The following TMEM232 variants were observed in gnomAD, a reference collection of about 807,000 sequenced individuals.
The protein encoded by TMEM232 is transmembrane protein 232.
In TMEM232, 80 loss-of-function variants were observed where a neutral mutation model predicts 78.8. The ratio of observed to expected loss-of-function variants is 1.01; its 90% CI spans 0.85 to 1.22. The LOEUF is 1.22. Among genes scored for constraint, TMEM232 ranks in the 50% most tolerant of loss-of-function variants. TMEM232 has a pLI of 0.00. For synonymous variants in TMEM232, 297 were observed against 254.3 expected, an observed-to-expected ratio of 1.17 and a Z score of -1.60; for missense variants, 881 against 742.2, an observed-to-expected ratio of 1.19 and a Z score of -2.17.
chr5:110,458,025 T>C (rs1221571396), intron 12 of TMEM232, among the ~76,000 whole-genome samples: 1 of 152,180 alleles, frequency 6.6e-6, no homozygotes. Context: ...TAAGATCCTA[T>C]GCACATTTAA....
rs536360607 is a variant in TMEM232, at chr5:110,497,795, G to T, written c.1703+30793C>A. 3.1e-3 allele frequency among the ~76,000 whole-genome samples: 465 copies of T among 152,100 alleles called. 3 individuals carry two copies. Among genetic ancestry groups the T allele is most frequent in the African/African-American group, 0.011 (444 of 41,508 alleles). On this transcript the variant is annotated intron_variant, in intron 12 of 13. Coordinates refer to ENST00000455884, the MANE Select transcript of TMEM232 (RefSeq NM_001039763.4). The stretch of plus-strand genomic sequence containing the variant: ...TTTGAATATGTAACCCTTGGATATG[G>T]GTCATATAAGATAAAGTGAAGGGAA...
intron 1 of TMEM232, among the ~76,000 whole-genome samples, chr5:110,735,838 T>C (rs1799105582): frequency 6.6e-6 from 1 of 152,200 alleles, no homozygotes; most frequent in South Asian, 2.1e-4. Flanking sequence ...AAGACATTCT[T>C]TCTATAGCTG....
Position 110,455,523 on chromosome 5 carries a change from G to A in TMEM232, c.1704-30607C>T, listed in dbSNP as rs571311740. 3.1e-3 allele frequency among the ~76,000 whole-genome samples: 475 copies of A among 151,572 alleles called. 9 individuals are homozygous for A. The highest frequency in any genetic ancestry group is 1.9e-3 in the Non-Finnish European group (132 of 67,860). ...CTCCCGAGTAGCTGGGACTACAGGC[G>A]CCCGCCACCACGCCCGGCTAATTTT... is the stretch of plus-strand genomic sequence containing the variant. On this transcript the variant is annotated intron_variant, in intron 12 of 13. Coordinates refer to ENST00000455884, the MANE Select transcript of TMEM232 (RefSeq NM_001039763.4).
intron 7 of TMEM232, among the ~76,000 whole-genome samples, chr5:110,620,636 TCTC>T (rs2149905539): frequency 1.8e-5 from 2 of 113,068 alleles, no homozygotes; most frequent in African/African-American, 3.8e-5. Flanking sequence ...TCTCTCTCTC[TCTC>T]CTCTCTCCTC....
At chr5:110,696,166 C>A (rs372009058) in intron 1 of TMEM232, among the ~76,000 whole-genome samples, 2 of 152,178 alleles carry the variant, frequency 1.3e-5, no homozygotes, top group East Asian at 1.9e-4. Context: ...AATCAATAAA[C>A]GTAATCCAGC....
rs566293206 is a variant in TMEM232 at position 110,428,520 on chromosome 5, G to A, written c.1704-3604C>T. Among the ~76,000 whole-genome samples, 9 of 151,824 alleles carry A rather than the reference G, an allele frequency of 5.9e-5. No individual in the cohort carries two copies. In the South Asian group the frequency reaches 1.9e-3, roughly 32 times the overall value. On this transcript the variant is annotated intron_variant, in intron 12 of 13. Transcript: ENST00000455884. ...CCCAGTCTCTGTGGGAGGTCTAGGA[G>A]CCTAACTTAGGTAAGTGACAACAGC...
chr5:110,556,649 A>T (rs1214684510), intron 11 of TMEM232, among the ~76,000 whole-genome samples: 4 of 152,094 alleles, frequency 2.6e-5, no homozygotes, highest in African/African-American at 9.7e-5. Context: ...AGCCTCCCAC[A>T]GTGCTGGGAT....
At chr5:110,597,440 A>C (rs1780308882) in intron 10 of TMEM232, among the ~76,000 whole-genome samples, 2 of 152,334 alleles carry the variant, frequency 1.3e-5, no homozygotes, top group East Asian at 3.9e-4. Flanking sequence ...CATACTGCCC[A>C]AGGTAATTTA....
intron 11 of TMEM232, among the ~76,000 whole-genome samples, chr5:110,538,693 T>C (rs1185127526): frequency 6.6e-6 from 1 of 152,158 alleles, no homozygotes; most frequent in Admixed American, 6.5e-5. Context: ...AAGCAGGAAT[T>C]AGATGAAGAC....
At chr5:110,558,214 T>C (rs1309350222) in intron 11 of TMEM232, among the ~76,000 whole-genome samples, 3 of 152,038 alleles carry the variant, frequency 2.0e-5, no homozygotes, top group African/African-American at 4.8e-5. Flanking sequence ...ATCATTCTGA[T>C]GGGGTATGCC....
chr5:110,484,975 T>C (rs1376331109), intron 12 of TMEM232, among the ~76,000 whole-genome samples: 2 of 151,862 alleles, frequency 1.3e-5, no homozygotes, highest in Non-Finnish European at 2.9e-5. Flanking sequence ...AAAAAAAAAT[T>C]GAAAAACAGT....
At chr5:110,474,822 C>T (rs535711695) in intron 12 of TMEM232, among the ~76,000 whole-genome samples, 37 of 151,734 alleles carry the variant, frequency 2.4e-4, no homozygotes, top group Middle Eastern at 3.4e-3. Context: ...ACAAATAATG[C>T]TAATGAAAAA....
At chr5:110,487,944 T>C (rs992773096) in intron 12 of TMEM232, among the ~76,000 whole-genome samples, 1 of 151,278 alleles carries the variant, frequency 6.6e-6, no homozygotes, top group Non-Finnish European at 1.5e-5. Flanking sequence ...ATACCACCAT[T>C]CTTCTTTGAA....
intron 11 of TMEM232, among the ~76,000 whole-genome samples, chr5:110,545,198 G>A (rs1773628804): frequency 6.6e-6 from 1 of 151,948 alleles, no homozygotes. Flanking sequence ...AAATATTAGA[G>A]CCTTTGAGTT....
chr5:110,720,620 CT>C (rs1301600152), intron 1 of TMEM232: 2 of 152,128 alleles, frequency 1.3e-5, no homozygotes, highest in African/African-American at 4.8e-5. Flanking sequence ...TGATGCCAGC[CT>C]TCAGGATTTT....
intron 1 of TMEM232, among the ~76,000 whole-genome samples, chr5:110,711,510 T>C (rs1796474949): frequency 6.6e-6 from 1 of 152,112 alleles, no homozygotes; most frequent in Non-Finnish European, 1.5e-5. Context: ...GACTTCAAAT[T>C]ATACTACAGA....
At chr5:110,578,066 A>C (rs985452293) in intron 10 of TMEM232, among the ~76,000 whole-genome samples, 1 of 152,018 alleles carries the variant, frequency 6.6e-6, no homozygotes, top group African/African-American at 2.4e-5. Context: ...AATTAAAAAA[A>C]TGATATTACA....
chr5:110,712,628 T>C (rs984763658), intron 1 of TMEM232, among the ~76,000 whole-genome samples: 4 of 152,188 alleles, frequency 2.6e-5, no homozygotes, highest in Admixed American at 1.3e-4. Flanking sequence ...AACGTCCCCT[T>C]TGTTTCACTG....
At chr5:110,674,202 A>C (rs1282503423) in intron 1 of TMEM232, among the ~76,000 whole-genome samples, 1 of 152,188 alleles carries the variant, frequency 6.6e-6, no homozygotes, top group African/African-American at 2.4e-5. Context: ...TAATTTACTG[A>C]TGACAAAATA....
Sources: gnomAD v4.1 joint callset for allele counts (sites outside exome capture counted in the v4.1 genomes callset) on GRCh38, gnomAD v4.1.1 for gene constraint, MANE v1.5 for transcripts, NCBI Gene and HGNC (gene_info 2026-07-23, HGNC 2026-07-21) for gene names.